The following UTRN variants were observed in gnomAD, a reference collection of about 807,000 sequenced individuals.
UTRN encodes utrophin, also known as dystrophin-related protein 1.
Under a neutral mutation model 463.9 loss-of-function variants are expected in UTRN, and 283 were observed. That is an observed-to-expected ratio of 0.61 (90% CI 0.55 to 0.67). The LOEUF (loss-of-function observed/expected upper bound fraction) is 0.67, where lower values mean the gene tolerates loss of function less well. Among genes scored for constraint, UTRN ranks in the 30% least tolerant of loss-of-function variants. UTRN has a pLI of 0.00. For synonymous variants in UTRN, 1,442 were observed against 1,431.5 expected (o/e 1.01, Z -0.17); for missense variants, 3,922 against 4,084.3 (o/e 0.96, Z 1.08).
chr6:144,390,446 C>T (rs77967839), intron 2 of UTRN, among the ~76,000 whole-genome samples: 1 of 152,186 alleles, frequency 6.6e-6, no homozygotes, highest in East Asian at 1.9e-4. Flanking sequence ...GATCATGTCA[C>T]GCTCTTGCTC....
At chr6:144,525,503 T>C (rs1358571083) in intron 41 of UTRN, among the ~76,000 whole-genome samples, 2 of 152,184 alleles carry the variant, frequency 1.3e-5, no homozygotes, top group African/African-American at 2.4e-5. Context: ...TGATCTTTTG[T>C]ATTTCTATGG....
intron 46 of UTRN, among the ~76,000 whole-genome samples, chr6:144,544,108 A>G (rs1258132938): frequency 6.6e-6 from 1 of 152,194 alleles, no homozygotes; most frequent in Non-Finnish European, 1.5e-5. Flanking sequence ...TTAGAAGTAT[A>G]AAAAGCTAAC....
intron 56 of UTRN, among the ~76,000 whole-genome samples, chr6:144,754,354 T>G (rs1791745814): frequency 6.6e-6 from 1 of 151,986 alleles, no homozygotes; most frequent in Non-Finnish European, 1.5e-5. Flanking sequence ...CGAACAGGAG[T>G]GTTGCCACTC....
At chr6:144,678,630 C>T (rs1442992051) in intron 52 of UTRN, 52 bp downstream of exon 52, 9 of 1,453,168 alleles carry the variant, frequency 6.2e-6, no homozygotes, top group East Asian at 2.5e-5. Context: ...GGGGTAGATA[C>T]TTGTGATTTT....
At chr6:144,528,609 T>C (rs1263622378) in intron 41 of UTRN, among the ~76,000 whole-genome samples, 1 of 152,184 alleles carries the variant, frequency 6.6e-6, no homozygotes, top group Non-Finnish European at 1.5e-5. Flanking sequence ...GCTGAGCGGG[T>C]ACTGGGAAGT....
chr6:144,800,484 T>A (rs1005850677), intron 64 of UTRN, among the ~76,000 whole-genome samples: 1 of 152,136 alleles, frequency 6.6e-6, no homozygotes, highest in Admixed American at 6.5e-5. Flanking sequence ...GGTCAGAGAT[T>A]AAGGTTATGG....
intron 23 of UTRN, among the ~76,000 whole-genome samples, chr6:144,468,166 A>G (rs1458860618): frequency 6.6e-6 from 1 of 152,132 alleles, no homozygotes; most frequent in Non-Finnish European, 1.5e-5. Context: ...ACTGTCTTAA[A>G]TCCAGATTTA....
chr6:144,389,227 A>C (rs1176811193), intron 2 of UTRN, among the ~76,000 whole-genome samples: 2 of 152,214 alleles, frequency 1.3e-5, no homozygotes, highest in African/African-American at 4.8e-5. Flanking sequence ...ATTCTTTTGA[A>C]TATCTGATTA....
intron 4 of UTRN, among the ~76,000 whole-genome samples, chr6:144,423,113 T>C (rs1168006189): frequency 1.3e-5 from 2 of 152,220 alleles, no homozygotes; most frequent in Non-Finnish European, 2.9e-5. Context: ...ACAATTTCTC[T>C]AAAATCCTTC....
chr6:144,461,268 G>C lies in UTRN; in HGVS notation c.2779G>C (p.Glu927Gln). 5.0e-6 allele frequency: 8 copies of C among 1,610,480 alleles called. No homozygotes were observed. The Middle Eastern group carries it at 6.6e-4, about 133-fold the overall frequency. The stretch of plus-strand genomic sequence containing the variant: ...ACTGAAAGATGTGCTAAATGATTCA[G>C]AAAATAAGGCCCAGGTGTCTCTGAA... ...KTLKDVLNDSENKAQVSLNVL... is the reference protein window; with the variant it reads ...KTLKDVLNDSQNKAQVSLNVL... Residue 927 changes from glutamate (E) to glutamine (Q), a missense_variant, in exon 22 of 75, where the codon GAA (glutamate) becomes CAA (glutamine). Around this residue, in one of 3 missense-constraint regions of UTRN, gnomAD observed 2,349 missense variants for 2,303.8 expected, o/e 1.02. Transcript: ENST00000367545.
At position 144,479,916 on chromosome 6, in the gene UTRN, A is replaced by C; in HGVS notation, c.3441A>C (p.Glu1147Asp). 6.2e-7 allele frequency: 1 copy of C among 1,614,164 alleles called. No individual in the cohort carries two copies. Among genetic ancestry groups the C allele is most frequent in the Non-Finnish European group, 8.5e-7 (1 of 1,179,994 alleles). The change falls in exon 26 of 75, where the codon GAA becomes GAC. Residue 1147 changes from glutamate (E) to aspartate (D), a missense_variant. Coordinates refer to ENST00000367545, the MANE Select transcript of UTRN (RefSeq NM_007124.3). The part of the protein sequence containing the change: ...MQEWMTQAEE[E>D]YLERDFEYKS... ...AATGGATGACCCAGGCCGAGGAAGAATATTTGGAGCGGGATTTTGAGTACA... is the reference window on the plus strand; with the variant it reads ...AATGGATGACCCAGGCCGAGGAAGACTATTTGGAGCGGGATTTTGAGTACA...
chr6:144,608,040 G>T (rs1489890310), intron 51 of UTRN, among the ~76,000 whole-genome samples: 1 of 152,110 alleles, frequency 6.6e-6, no homozygotes, highest in Non-Finnish European at 1.5e-5. Context: ...TTAATTTTGT[G>T]TGTTAACTTG....
At chr6:144,672,777 C>T (rs1008040349) in intron 51 of UTRN, among the ~76,000 whole-genome samples, 1 of 151,944 alleles carries the variant, frequency 6.6e-6, no homozygotes, top group African/African-American at 2.4e-5. Context: ...TCTGTTTGTG[C>T]TCTTTCAGAC....
chr6:144,429,278 A>T (rs1785573771), intron 8 of UTRN, among the ~76,000 whole-genome samples: 3 of 152,140 alleles, frequency 2.0e-5, no homozygotes, highest in African/African-American at 7.2e-5. Flanking sequence ...TTCTAGACTT[A>T]TTTTCATAGT....
chr6:144,480,128 G>C lies in UTRN; in HGVS notation c.3507+146G>C, dbSNP rs201054491. The C allele has an allele frequency of 5.7e-6, 6 of 1,049,254 alleles. No individual in the cohort carries two copies. The East Asian group carries it at 1.5e-4, about 26-fold the overall frequency. 65.0% of individuals were successfully genotyped at this position (1,049,254 alleles called of 1,614,324 possible). On this transcript the variant is annotated intron_variant, in intron 26 of 74. Coordinates refer to ENST00000367545, the MANE Select transcript of UTRN (RefSeq NM_007124.3). ...TTTTTGAATTAAAAAAACATAACAG[G>C]GTAGCTGCTCTAATTTTAGCAGGGG...
At chr6:144,615,613 T>G (rs6570637) in intron 51 of UTRN, among the ~76,000 whole-genome samples, 82,143 of 151,942 alleles carry the variant, frequency 0.54, 24,175 homozygotes, top group East Asian at 0.85. Flanking sequence ...TTCCTATTTG[T>G]TGTACCTCAG....
chr6:144,768,790 A>G (rs968232896), intron 58 of UTRN, among the ~76,000 whole-genome samples: 3 of 152,072 alleles, frequency 2.0e-5, no homozygotes, highest in African/African-American at 7.2e-5. Flanking sequence ...GCTTTGCAGG[A>G]TACCCACTCA....
chr6:144,796,480 T>G (rs1317367050), intron 63 of UTRN, among the ~76,000 whole-genome samples: 1 of 152,208 alleles, frequency 6.6e-6, no homozygotes, highest in Non-Finnish European at 1.5e-5. Context: ...CCTGAGTTCT[T>G]TTTAAGACAA....
intron 51 of UTRN, among the ~76,000 whole-genome samples, chr6:144,585,858 A>G (rs1206224253): frequency 6.6e-6 from 1 of 152,144 alleles, no homozygotes; most frequent in African/African-American, 2.4e-5. Flanking sequence ...AAGTTTGTGT[A>G]TCTCCATAAA....
Sources: gnomAD v4.1 joint callset for allele counts (sites outside exome capture counted in the v4.1 genomes callset) on GRCh38, gnomAD v4.1.1 for gene constraint, gnomAD v4.1.1 regional missense constraint, MANE v1.5 for transcripts, NCBI Gene and HGNC (gene_info 2026-07-23, HGNC 2026-07-21) for gene names.